Variants in ZNF644 observed in about 807,000 individuals in gnomAD.
The protein encoded by ZNF644 is zinc finger motif enhancer binding protein 2.
In ZNF644, 20 loss-of-function variants were observed where a neutral mutation model predicts 108.0. The observed-to-expected ratio is 0.19, with a 90% CI of 0.13 to 0.27. ZNF644 has a LOEUF of 0.27. Among genes scored for constraint, ZNF644 ranks in the 10% least tolerant of loss-of-function variants. The probability of loss-of-function intolerance (pLI) is 1.00; values close to 1 mark genes in which losing one functional copy is unlikely to be tolerated. For missense variants in ZNF644, 1,338 were observed against 1,548.9 expected (o/e 0.86, Z 2.29); for synonymous variants, 542 against 539.1 (o/e 1.01, Z -0.08).
At chr1:90,977,389 T>C (rs184960916) in intron 2 of ZNF644, among the ~76,000 whole-genome samples, 1 of 152,298 alleles carries the variant, frequency 6.6e-6, no homozygotes, top group Admixed American at 6.5e-5. Context: ...ACTTTGACTG[T>C]AATACCTAAA....
chr1:90,946,494 T>C (rs1652530283), intron 2 of ZNF644, among the ~76,000 whole-genome samples: 1 of 152,152 alleles, frequency 6.6e-6, no homozygotes, highest in South Asian at 2.1e-4. Context: ...ACTTAGTTAT[T>C]ACATAATTAA....
chr1:90,955,679 G>A (rs1275531589), intron 2 of ZNF644, among the ~76,000 whole-genome samples: 1 of 152,188 alleles, frequency 6.6e-6, no homozygotes, highest in Non-Finnish European at 1.5e-5. Flanking sequence ...AAGAGAGTTA[G>A]GGTTTTGATC....
chr1:90,961,137 T>C (rs1654297349), intron 2 of ZNF644, among the ~76,000 whole-genome samples: 1 of 152,162 alleles, frequency 6.6e-6, no homozygotes, highest in Non-Finnish European at 1.5e-5. Context: ...AAAACGATGA[T>C]GACGTTTCAT....
Position 90,949,525 on chromosome 1 carries a change from T to C in ZNF644, c.45-8216A>G, listed in dbSNP as rs185995779. 2.6e-5 allele frequency among the ~76,000 whole-genome samples: 4 copies of C among 152,288 alleles called. No homozygotes were observed. In the East Asian group the frequency reaches 7.7e-4, roughly 29 times the overall value. On this transcript the variant is annotated intron_variant, in intron 2 of 5. Transcript: ENST00000337393. ...TGTGCTTCTCTCTCACATTATTGTCTTAACAAAAATATACTTGGCTCTCTC... is the reference window on the plus strand; with the variant it reads ...TGTGCTTCTCTCTCACATTATTGTCCTAACAAAAATATACTTGGCTCTCTC...
intron 2 of ZNF644, among the ~76,000 whole-genome samples, chr1:90,955,890 CCTTTTGGCCTGT>C (rs566092960): frequency 9.9e-5 from 15 of 152,204 alleles, no homozygotes; most frequent in Non-Finnish European, 1.9e-4. Context: ...AAGAGGCCTA[CCTTTTGGCCTGT>C]CTCATCTTGT....
intron 1 of ZNF644, among the ~76,000 whole-genome samples, chr1:91,005,918 A>C (rs1305658538): frequency 6.6e-6 from 1 of 151,990 alleles, no homozygotes; most frequent in East Asian, 1.9e-4. Context: ...CACAGCAGAA[A>C]TAGAGAACAG....
chr1:90,980,078 T>A (rs1656394944), intron 2 of ZNF644, among the ~76,000 whole-genome samples: 1 of 146,262 alleles, frequency 6.8e-6, no homozygotes, highest in African/African-American at 2.5e-5. Context: ...TCTATTTGCC[T>A]GGGAGAACTC....
At chr1:90,929,969 G>T (rs1286753982) in intron 4 of ZNF644, among the ~76,000 whole-genome samples, 1 of 152,114 alleles carries the variant, frequency 6.6e-6, no homozygotes, top group Non-Finnish European at 1.5e-5. Context: ...GCAACAATTG[G>T]GCTTTACTTC....
chr1:90,966,042 C>T (rs555225868), intron 2 of ZNF644, among the ~76,000 whole-genome samples: 37 of 152,248 alleles, frequency 2.4e-4, no homozygotes, highest in Middle Eastern at 6.8e-3. Flanking sequence ...TGAGCCACCG[C>T]GCCTGGCCCC....
At chr1:90,976,682 T>C (rs1557621255) in intron 2 of ZNF644, among the ~76,000 whole-genome samples, 1 of 152,236 alleles carries the variant, frequency 6.6e-6, no homozygotes, top group Non-Finnish European at 1.5e-5. Context: ...AAGAGAACAA[T>C]GTAGCCTCCC....
At chr1:90,934,592 C>T (rs565429618) in intron 4 of ZNF644, among the ~76,000 whole-genome samples, 1 of 152,184 alleles carries the variant, frequency 6.6e-6, no homozygotes, top group South Asian at 2.1e-4. Context: ...TATAAGTAAG[C>T]TAATAAAATT....
chr1:90,980,549 T>C (rs142190791), intron 2 of ZNF644, among the ~76,000 whole-genome samples: 3 of 152,284 alleles, frequency 2.0e-5, no homozygotes, highest in East Asian at 3.9e-4. Flanking sequence ...AACAGAGATA[T>C]GGAGAATCCA....
chr1:90,955,109 G>C (rs1015780847), intron 2 of ZNF644, among the ~76,000 whole-genome samples: 7 of 152,158 alleles, frequency 4.6e-5, no homozygotes, highest in Non-Finnish European at 8.8e-5. Flanking sequence ...GGATGACCAG[G>C]TGCATTGTCA....
chr1:91,009,844 A>C (rs1009838425), intron 1 of ZNF644, among the ~76,000 whole-genome samples: 1 of 152,172 alleles, frequency 6.6e-6, no homozygotes, highest in African/African-American at 2.4e-5. Flanking sequence ...CTCTATCTCC[A>C]TTTATTTTGA....
intron 2 of ZNF644, among the ~76,000 whole-genome samples, chr1:90,978,123 C>A (rs778532662): frequency 6.6e-6 from 1 of 151,898 alleles, no homozygotes; most frequent in African/African-American, 2.4e-5. Flanking sequence ...AGGCTGAGGC[C>A]GGTGGATCGC....
intron 2 of ZNF644, chr1:90,973,000 A>G (rs1347208679): frequency 6.6e-6 from 1 of 152,184 alleles, no homozygotes; most frequent in African/African-American, 2.4e-5. Flanking sequence ...CAGTTTCGCA[A>G]GACAAAAAGT....
At chr1:91,011,684 G>A (rs1659970037) in intron 1 of ZNF644, among the ~76,000 whole-genome samples, 1 of 152,036 alleles carries the variant, frequency 6.6e-6, no homozygotes, top group Admixed American at 6.5e-5. Context: ...ATTCACACTT[G>A]TAAGCAACTG....
At chr1:90,945,249 A>G (rs1652397847) in intron 2 of ZNF644, among the ~76,000 whole-genome samples, 1 of 152,108 alleles carries the variant, frequency 6.6e-6, no homozygotes, top group Non-Finnish European at 1.5e-5. Flanking sequence ...CACCATTACT[A>G]AATCTTCCCC....
At chr1:90,968,371 T>C (rs185942210) in intron 2 of ZNF644, among the ~76,000 whole-genome samples, 2 of 152,172 alleles carry the variant, frequency 1.3e-5, no homozygotes, top group African/African-American at 2.4e-5. Context: ...AATTAAAAAT[T>C]TGTCAACTAG....
Sources: gnomAD v4.1 joint callset for allele counts (sites outside exome capture counted in the v4.1 genomes callset) on GRCh38, gnomAD v4.1.1 for gene constraint, MANE v1.5 for transcripts, NCBI Gene and HGNC (gene_info 2026-07-23, HGNC 2026-07-21) for gene names.